KDM7A: variants seen among roughly 807,000 people sequenced by gnomAD.
The protein encoded by KDM7A is lysine-specific demethylase 7A.
KDM7A carries 28 observed loss-of-function variants against 114.8 expected under a neutral mutation model. The observed-to-expected ratio is 0.24, with a 90% CI of 0.18 to 0.33. The LOEUF is 0.33. Ranked by LOEUF, KDM7A falls within the 10% of genes least tolerant of loss-of-function variation. The pLI is 1.00. For missense variants in KDM7A, 942 were observed against 1,142.5 expected (o/e 0.82, Z 2.53); for synonymous variants, 423 against 397.8 (o/e 1.06, Z -0.75).
intron 7 of KDM7A, among the ~76,000 whole-genome samples, chr7:140,123,546 A>G (rs1437505449): frequency 6.6e-6 from 1 of 152,174 alleles, no homozygotes; most frequent in East Asian, 1.9e-4. Context: ...TGGATCTTGG[A>G]ATATTTGCAT....
intron 1 of KDM7A, 125 bp from the exon 2 acceptor site, chr7:140,139,315 C>T: frequency 1.6e-6 from 1 of 632,608 alleles, no homozygotes; most frequent in Non-Finnish European, 2.8e-6. Context: ...TTGTAGAGCA[C>T]AGAAACACAT....
intron 1 of KDM7A, among the ~76,000 whole-genome samples, chr7:140,162,965 AAAT>A (rs1794536425): frequency 6.6e-6 from 1 of 151,984 alleles, no homozygotes; most frequent in Non-Finnish European, 1.5e-5. Flanking sequence ...ATATTTTAAT[AAAT>A]AAAAAGTAAG....
At chr7:140,101,087 T>C (rs1250296432) in intron 12 of KDM7A, among the ~76,000 whole-genome samples, 3 of 151,858 alleles carry the variant, frequency 2.0e-5, no homozygotes. Context: ...TGACTTAGTC[T>C]CCTAAGTAGC....
chr7:140,115,688 C>A (rs1308480885), intron 9 of KDM7A, among the ~76,000 whole-genome samples: 1 of 151,834 alleles, frequency 6.6e-6, no homozygotes, highest in Non-Finnish European at 1.5e-5. Context: ...CCTAGGAAAA[C>A]CAGAGACCTT....
At chr7:140,141,265 T>C (rs1374871685) in intron 1 of KDM7A, among the ~76,000 whole-genome samples, 1 of 152,146 alleles carries the variant, frequency 6.6e-6, no homozygotes, top group East Asian at 1.9e-4. Flanking sequence ...TCAAGATCGG[T>C]GGAACCTGAC....
intron 3 of KDM7A, among the ~76,000 whole-genome samples, chr7:140,131,742 CAT>C (rs147504591): frequency 5.3e-5 from 8 of 152,318 alleles, no homozygotes; most frequent in Non-Finnish European, 1.0e-4. Flanking sequence ...CCTGATCTCA[CAT>C]GTTTGGTGTT....
In KDM7A at chr7:140,129,526, T is replaced by C. The variant is rs1159661793; in HGVS notation, c.526A>G (p.Thr176Ala). The C allele has an allele frequency of 6.2e-7, 1 of 1,613,676 alleles. No homozygotes were observed. The highest frequency in any genetic ancestry group is 1.1e-5 in the South Asian group (1 of 91,060). Residue 176 changes from threonine to alanine, a missense_variant, in exon 4 of 20, where the codon ACA becomes GCA. Physicochemically the swap from Thr to Ala is moderately conservative, Grantham distance 58. This residue lies in a region of KDM7A where 318 missense variants were observed against 453.1 expected (regional missense o/e 0.70). Coordinates refer to ENST00000397560, the MANE Select transcript of KDM7A (RefSeq NM_030647.2). The stretch of plus-strand genomic sequence containing the variant: ...CGTTCCACATCCATCACAGAAAATG[T>C]AGGTGAAGGGAGCCTGAGTCCTAGA... ...DDLGLRLPSP[T>A]FSVMDVERYV...
intron 1 of KDM7A, among the ~76,000 whole-genome samples, chr7:140,172,340 T>A (rs1384739250): frequency 2.0e-5 from 3 of 152,174 alleles, no homozygotes; most frequent in Non-Finnish European, 4.4e-5. Context: ...AATCATACCA[T>A]CATTAGTAAA....
intron 11 of KDM7A, among the ~76,000 whole-genome samples, chr7:140,102,578 G>C (rs965737210): frequency 1.3e-5 from 2 of 152,058 alleles, no homozygotes. Flanking sequence ...TTGCCATGTT[G>C]CCCAGGCTGG....
intron 11 of KDM7A, among the ~76,000 whole-genome samples, chr7:140,102,949 T>C (rs1818257036): frequency 1.3e-5 from 2 of 152,220 alleles, no homozygotes; most frequent in African/African-American, 4.8e-5. Context: ...TTGCAACATT[T>C]TTTTACTGTG....
chr7:140,150,827 CTTTTTT>C (rs922394260), intron 1 of KDM7A, among the ~76,000 whole-genome samples: 1 of 127,866 alleles, frequency 7.8e-6, no homozygotes. Context: ...AATCTCTGTT[CTTTTTT>C]TTTTTTTTTT....
intron 1 of KDM7A, among the ~76,000 whole-genome samples, chr7:140,143,179 CAAA>C (rs201653729): frequency 1.7e-4 from 8 of 47,498 alleles, no homozygotes; most frequent in African/African-American, 1.5e-4. Context: ...GACCCCGTCT[CAAA>C]AAAAAAAAAA....
intron 9 of KDM7A, 80 bp downstream of exon 9, chr7:140,119,033 C>T (rs760757970): frequency 4.3e-5 from 33 of 770,438 alleles, no homozygotes; most frequent in Non-Finnish European, 6.9e-5. Flanking sequence ...AGAAAAGGGA[C>T]TCTTTCTGTC....
intron 10 of KDM7A, among the ~76,000 whole-genome samples, chr7:140,112,635 G>A (rs1818451563): frequency 6.6e-6 from 1 of 151,880 alleles, no homozygotes; most frequent in South Asian, 2.1e-4. Context: ...AATTAATATG[G>A]ACATGTATTT....
Position 140,113,573 on chromosome 7 carries a change from T to C in KDM7A, c.1256A>G (p.Glu419Gly). The change falls in exon 10 of 20, where the codon GAA becomes GGA. Residue 419 changes from glutamate to glycine, a missense_variant. Physicochemically the swap from Glu to Gly is moderately conservative, Grantham distance 98. This residue lies in a region of KDM7A where 318 missense variants were observed against 453.1 expected (regional missense o/e 0.70). Transcript: ENST00000397560. ...NLLETLKELREDGFQPQTYLV... is the reference protein window; with the variant it reads ...NLLETLKELRGDGFQPQTYLV... ...GTAAGTTTGAGGCTGGAAACCATCTTCTCTCAGTTCTGTAGGAATGGAAAT... is the reference window on the plus strand; with the variant it reads ...GTAAGTTTGAGGCTGGAAACCATCTCCTCTCAGTTCTGTAGGAATGGAAAT... 6.3e-7 allele frequency: 1 copy of C among 1,582,232 alleles called. No individual in the cohort carries two copies. The highest frequency in any genetic ancestry group is 8.7e-7 in the Non-Finnish European group (1 of 1,153,284).
At chr7:140,171,979 C>G (rs1361508098) in intron 1 of KDM7A, among the ~76,000 whole-genome samples, 1 of 152,076 alleles carries the variant, frequency 6.6e-6, no homozygotes, top group Non-Finnish European at 1.5e-5. Context: ...CATGAACAGG[C>G]TTGGGTATGT....
chr7:140,101,457 C>T (rs1818223830), intron 12 of KDM7A, among the ~76,000 whole-genome samples: 1 of 152,176 alleles, frequency 6.6e-6, no homozygotes, highest in African/African-American at 2.4e-5. Flanking sequence ...TGTTACTCAG[C>T]TGTCGGTTCA....
chr7:140,097,027 T>C lies in KDM7A; in HGVS notation c.2037A>G (p.Glu679=). The part of the protein sequence containing the change: ...CTALKSIFTT[E]ESESSGDEKK... ...TTTCATCACCTGAACTTTCAGACTC[T>C]TCAGTGGTAAAGATACTTTTCTGAG... Residue 679 remains glutamate (E), a synonymous_variant, in exon 16 of 20, where the codon GAA becomes GAG. Transcript: ENST00000397560. 1 of 1,611,646 alleles carries C rather than the reference T, an allele frequency of 6.2e-7. No homozygotes were observed. Among genetic ancestry groups the C allele is most frequent in the Non-Finnish European group, 8.5e-7 (1 of 1,178,400 alleles).
rs1562964075 is a variant in KDM7A, at chr7:140,176,728, G to C, written c.194+16C>G. The C allele has an allele frequency of 2.5e-5, 32 of 1,301,792 alleles. No homozygotes were observed. Among genetic ancestry groups the C allele is most frequent in the Non-Finnish European group, 3.2e-5 (32 of 996,112 alleles). The allele number at this position is 1,301,792 out of a possible 1,614,324, so 80.6% of individuals were successfully genotyped here. On this transcript the variant is annotated intron_variant, in intron 1 of 19. Transcript: ENST00000397560. This position sits in a 1 kb window ranked among gnomAD's most constrained non-coding sequence, Gnocchi z 4.4. Reference sequence around the variant, plus strand: ...GCCGGCGGTGGCGGCTGCGGGGCTGGAGGGGGTTTATTTACCTGCCGTGGA... The same window carrying C: ...GCCGGCGGTGGCGGCTGCGGGGCTGCAGGGGGTTTATTTACCTGCCGTGGA...
Sources: allele counts gnomAD v4.1 joint callset (sites outside exome capture counted in the v4.1 genomes callset), GRCh38; gene constraint gnomAD v4.1.1; regional missense constraint gnomAD v4.1.1; non-coding constraint Gnocchi (gnomAD v3.1); transcripts MANE v1.5; gene names NCBI Gene and HGNC (gene_info 2026-07-23, HGNC 2026-07-21).